The following RERE variants were observed in gnomAD, a reference collection of about 807,000 sequenced individuals.
RERE encodes arginine-glutamic acid dipeptide repeats protein.
A neutral mutation model predicts 146.1 loss-of-function variants in RERE; 40 were observed. The ratio of observed to expected loss-of-function variants is 0.27; its 90% CI spans 0.21 to 0.36. The LOEUF (loss-of-function observed/expected upper bound fraction) is 0.36. Among genes scored for constraint, RERE ranks in the 10% least tolerant of loss-of-function variants. The pLI is 1.00. For synonymous variants in RERE, 1,003 were observed against 866.0 expected (o/e 1.16, Z -2.78); for missense variants, 1,933 against 2,138.7 (o/e 0.90, Z 1.90).
At chr1:8,412,519 G>C (rs979096219) in intron 12 of RERE, among the ~76,000 whole-genome samples, 2 of 152,228 alleles carry the variant, frequency 1.3e-5, no homozygotes, top group Non-Finnish European at 2.9e-5. Context: ...GACATACAAA[G>C]TGTGTGTGTT....
At chr1:8,374,546 G>C (rs900704057) in intron 12 of RERE, among the ~76,000 whole-genome samples, 1 of 152,044 alleles carries the variant, frequency 6.6e-6, no homozygotes, top group Non-Finnish European at 1.5e-5. Flanking sequence ...CCACTCAGAC[G>C]TCTGGACCTG....
At chr1:8,599,555 A>G (rs1260423219) in intron 4 of RERE, among the ~76,000 whole-genome samples, 3 of 152,244 alleles carry the variant, frequency 2.0e-5, no homozygotes, top group Admixed American at 2.0e-4. Flanking sequence ...TCACAAATCT[A>G]TTCAGGAGCA....
chr1:8,655,695 A>G (rs1490889341), intron 2 of RERE, among the ~76,000 whole-genome samples: 1 of 152,250 alleles, frequency 6.6e-6, no homozygotes, highest in Non-Finnish European at 1.5e-5. Context: ...AAAAATACTA[A>G]GCAGATGGTC....
intron 4 of RERE, among the ~76,000 whole-genome samples, chr1:8,570,463 G>A (rs1000927295): frequency 5.3e-5 from 8 of 151,876 alleles, no homozygotes; most frequent in African/African-American, 1.2e-4. Flanking sequence ...TTTTTAGAAC[G>A]AACATAATGT....
At chr1:8,392,507 T>C (rs1477485578) in intron 12 of RERE, among the ~76,000 whole-genome samples, 2 of 152,224 alleles carry the variant, frequency 1.3e-5, no homozygotes, top group African/African-American at 4.8e-5. Context: ...CATTCCTAGC[T>C]TTCTAAAAAT....
chr1:8,453,947 T>C (rs1372950538), intron 11 of RERE, among the ~76,000 whole-genome samples: 2 of 152,240 alleles, frequency 1.3e-5, no homozygotes, highest in African/African-American at 4.8e-5. Context: ...GATGAACATG[T>C]CTGTTTGGAA....
chr1:8,643,180 C>A (rs2124290232), intron 2 of RERE, among the ~76,000 whole-genome samples: 1 of 152,282 alleles, frequency 6.6e-6, no homozygotes, highest in Non-Finnish European at 1.5e-5. Flanking sequence ...CAATTGGCCC[C>A]AGGAAGGTGG....
chr1:8,700,522 T>C (rs1456925199), intron 1 of RERE, among the ~76,000 whole-genome samples: 1 of 152,120 alleles, frequency 6.6e-6, no homozygotes, highest in Non-Finnish European at 1.5e-5. Flanking sequence ...AAATATCAAG[T>C]TGGCCACACA....
At chr1:8,794,439 A>C (rs1051053228) in intron 1 of RERE, among the ~76,000 whole-genome samples, 1 of 150,302 alleles carries the variant, frequency 6.7e-6, no homozygotes, top group Non-Finnish European at 1.5e-5. Flanking sequence ...ACATCTTTAT[A>C]TTAAAGGGTC....
At chr1:8,472,172 AC>A (rs1485703808) in intron 10 of RERE, among the ~76,000 whole-genome samples, 2 of 152,214 alleles carry the variant, frequency 1.3e-5, no homozygotes, top group African/African-American at 4.8e-5. Context: ...GGATATTTCA[AC>A]TATATTCCTT....
intron 7 of RERE, among the ~76,000 whole-genome samples, chr1:8,517,883 G>A (rs186707941): frequency 2.8e-3 from 428 of 152,354 alleles, no homozygotes; most frequent in South Asian, 8.9e-3. Flanking sequence ...ACAGAAAGGA[G>A]CAGGGAGCCT....
intron 12 of RERE, among the ~76,000 whole-genome samples, chr1:8,394,280 A>T (rs1184618166): frequency 1.3e-5 from 2 of 152,218 alleles, no homozygotes; most frequent in African/African-American, 4.8e-5. Flanking sequence ...CTTCACCAAA[A>T]TCTTGATTGG....
intron 10 of RERE, among the ~76,000 whole-genome samples, chr1:8,480,128 G>GTTTT (rs112068785): frequency 3.0e-5 from 4 of 135,226 alleles, no homozygotes; most frequent in Admixed American, 7.7e-5. Context: ...GCCTTTTTTT[G>GTTTT]TTTTTTTTTT....
At chr1:8,397,154 A>C (rs964565927) in intron 12 of RERE, among the ~76,000 whole-genome samples, 1 of 152,220 alleles carries the variant, frequency 6.6e-6, no homozygotes, top group African/African-American at 2.4e-5. Flanking sequence ...CCCAAGTTCC[A>C]GTTCCAATTC....
At chr1:8,677,527 C>G (rs947879158) in intron 1 of RERE, among the ~76,000 whole-genome samples, 2 of 150,548 alleles carry the variant, frequency 1.3e-5, no homozygotes, top group African/African-American at 4.9e-5. Context: ...TTTGTAATCA[C>G]ACGGTCAGTA....
intron 11 of RERE, among the ~76,000 whole-genome samples, chr1:8,442,253 C>T (rs549438783): frequency 1.3e-5 from 2 of 152,108 alleles, no homozygotes; most frequent in Non-Finnish European, 2.9e-5. Flanking sequence ...GGCATAGTGG[C>T]GCACGCCTGT....
intron 1 of RERE, among the ~76,000 whole-genome samples, chr1:8,668,967 GTTT>G (rs1383242479): frequency 3.9e-5 from 1 of 25,332 alleles, no homozygotes; most frequent in African/African-American, 1.7e-4. Context: ...TGTGTGTTGT[GTTT>G]TTAAGACAGG....
chr1:8,754,704 T>C (rs920733006), intron 1 of RERE, among the ~76,000 whole-genome samples: 2 of 152,254 alleles, frequency 1.3e-5, no homozygotes, highest in Non-Finnish European at 2.9e-5. Context: ...TGAAGGTGCG[T>C]TCATTTAAAA....
intron 7 of RERE, among the ~76,000 whole-genome samples, chr1:8,539,650 C>T (rs1173511257): frequency 6.6e-6 from 1 of 152,138 alleles, no homozygotes; most frequent in South Asian, 2.1e-4. Context: ...ACGATCCGCC[C>T]GCCTTGGCCT....
Sources: gnomAD v4.1 joint callset for allele counts (sites outside exome capture counted in the v4.1 genomes callset) on GRCh38, gnomAD v4.1.1 for gene constraint, MANE v1.5 for transcripts, NCBI Gene and HGNC (gene_info 2026-07-23, HGNC 2026-07-21) for gene names.